Variants in RNF115 observed in about 807,000 individuals in gnomAD.
RNF115 encodes the protein E3 ubiquitin-protein ligase RNF115.
In RNF115, 31 loss-of-function variants were observed where a neutral mutation model predicts 39.2. The ratio of observed to expected loss-of-function variants is 0.79; its 90% CI spans 0.59 to 1.07. RNF115 has a LOEUF of 1.07. Among genes scored for constraint, RNF115 ranks in the 50% least tolerant of loss-of-function variants. The pLI is 0.00. For missense variants in RNF115, 384 were observed against 381.7 expected, an observed-to-expected ratio of 1.01 and a Z score of -0.05; for synonymous variants, 124 against 131.0, an observed-to-expected ratio of 0.95 and a Z score of 0.37.
chr1:145,752,945 A>G, intron 5 of RNF115, 33 bp downstream of exon 5: 2 of 1,433,368 alleles, frequency 1.4e-6, no homozygotes, highest in Non-Finnish European at 2.0e-6. Context: ...TGTCACTCCA[A>G]TAGAGTAAGA....
intron 4 of RNF115, among the ~76,000 whole-genome samples, chr1:145,770,067 A>G (rs1436665606): frequency 1.3e-5 from 2 of 152,218 alleles, no homozygotes; most frequent in East Asian, 3.8e-4. Flanking sequence ...GCTTGAATAA[A>G]AACACTAGAA....
chr1:145,823,508 GA>G (rs35166837), intron 1 of RNF115, among the ~76,000 whole-genome samples: 64,723 of 146,966 alleles, frequency 0.44, 12,877 homozygotes, highest in Middle Eastern at 0.61. Flanking sequence ...AACTTGCTAA[GA>G]AAAAAAAAAA....
At chr1:145,780,531 A>G (rs1157470624) in intron 3 of RNF115, among the ~76,000 whole-genome samples, 1 of 150,810 alleles carries the variant, frequency 6.6e-6, no homozygotes, top group Non-Finnish European at 1.5e-5. Context: ...GAGGCAGGAT[A>G]ATCGCTTGAA....
chr1:145,819,803 C>A (rs1650154656), intron 1 of RNF115, among the ~76,000 whole-genome samples: 2 of 152,078 alleles, frequency 1.3e-5, no homozygotes, highest in South Asian at 4.2e-4. Flanking sequence ...TTTGGGGGGC[C>A]AAGGCAGGCA....
intron 4 of RNF115, among the ~76,000 whole-genome samples, chr1:145,767,671 A>G (rs1553715191): frequency 2.6e-5 from 4 of 152,182 alleles, no homozygotes; most frequent in Non-Finnish European, 5.9e-5. Flanking sequence ...ACTGCACTCC[A>G]GCCTGGGCAC....
intron 7 of RNF115, 123 bp downstream of exon 7, chr1:145,750,284 T>C: frequency 1.3e-6 from 1 of 783,036 alleles, no homozygotes; most frequent in Middle Eastern, 3.3e-4. Flanking sequence ...GGTATTGGGA[T>C]TTTTTTTCTT....
chr1:145,784,430 T>C, intron 3 of RNF115, 109 bp downstream of exon 3: 1 of 980,268 alleles, frequency 1.0e-6, no homozygotes, highest in Non-Finnish European at 1.6e-6. Flanking sequence ...TTTTTTCTTA[T>C]ACATTCAGTT....
At chr1:145,757,024 C>T (rs587748429) in intron 4 of RNF115, among the ~76,000 whole-genome samples, 4 of 151,636 alleles carry the variant, frequency 2.6e-5, no homozygotes, top group Admixed American at 1.3e-4. Flanking sequence ...TTAGTAGACA[C>T]GGGGTTTTAC....
At chr1:145,775,729 A>T (rs1423728278) in intron 3 of RNF115, among the ~76,000 whole-genome samples, 1 of 152,148 alleles carries the variant, frequency 6.6e-6, no homozygotes, top group African/African-American at 2.4e-5. Flanking sequence ...GCAGTAGCTC[A>T]AGCCTATAAT....
intron 1 of RNF115, among the ~76,000 whole-genome samples, chr1:145,806,999 G>A (rs993828478): frequency 1.3e-5 from 2 of 152,180 alleles, no homozygotes; most frequent in Admixed American, 1.3e-4. Flanking sequence ...CCCAGCTTCA[G>A]TTATTCCTTT....
chr1:145,799,100 G>A (rs587634660), intron 1 of RNF115, among the ~76,000 whole-genome samples: 72 of 148,988 alleles, frequency 4.8e-4, no homozygotes, highest in African/African-American at 1.8e-3. Flanking sequence ...ATGGAGTGTC[G>A]CTCTGTCACC....
chr1:145,783,395 T>G (rs1030401960), intron 3 of RNF115, among the ~76,000 whole-genome samples: 2 of 152,008 alleles, frequency 1.3e-5, no homozygotes, highest in Admixed American at 6.6e-5. Context: ...CATCAAAATG[T>G]GGGGGCTACA....
chr1:145,747,718 A>C (rs148058221), intron 8 of RNF115, among the ~76,000 whole-genome samples: 1 of 152,092 alleles, frequency 6.6e-6, no homozygotes, highest in Non-Finnish European at 1.5e-5. Flanking sequence ...CAACTAATCA[A>C]CTCTGCTGAC....
chr1:145,823,952 TCGC>T lies in RNF115; in HGVS notation c.-82_-80del, dbSNP rs782442509. 1.4e-4 allele frequency: 144 copies of T among 1,054,460 alleles called. No individual in the cohort carries two copies. Among genetic ancestry groups the T allele is most frequent in the Middle Eastern group, 3.1e-4 (1 of 3,222 alleles). 65.3% of individuals were successfully genotyped at this position (1,054,460 alleles called of 1,614,324 possible). On this transcript the variant is annotated 5_prime_UTR_variant, in exon 1 of 9. Coordinates refer to ENST00000582693, the MANE Select transcript of RNF115 (RefSeq NM_014455.4). ...GCCGCTACCTCCCGAGCTGCAGTCG[TCGC>T]CGCCGCCGCCGCCTCGGTGCGGCCC...
intron 3 of RNF115, among the ~76,000 whole-genome samples, chr1:145,780,974 G>A (rs1293499547): frequency 6.6e-6 from 1 of 152,092 alleles, no homozygotes; most frequent in African/African-American, 2.4e-5. Context: ...TCACTTTCTA[G>A]ATTACCACCA....
intron 1 of RNF115, among the ~76,000 whole-genome samples, chr1:145,811,196 C>T (rs1432495398): frequency 4.6e-5 from 7 of 151,978 alleles, no homozygotes; most frequent in Non-Finnish European, 8.8e-5. Flanking sequence ...ACTAAATGTC[C>T]AGAAAAGCAA....
intron 4 of RNF115, among the ~76,000 whole-genome samples, chr1:145,755,817 G>T (rs782222669): frequency 3.9e-5 from 6 of 152,088 alleles, no homozygotes; most frequent in Admixed American, 6.6e-5. Context: ...TTAGAAACTG[G>T]AGGGAAAAGG....
chr1:145,811,172 T>C (rs1553722455), intron 1 of RNF115, among the ~76,000 whole-genome samples: 6 of 151,942 alleles, frequency 3.9e-5, no homozygotes, highest in Non-Finnish European at 1.5e-5. Flanking sequence ...GCCCAGTCCA[T>C]AATTTTAATA....
intron 7 of RNF115, among the ~76,000 whole-genome samples, chr1:145,748,534 T>C (rs996096263): frequency 1.3e-5 from 2 of 152,172 alleles, no homozygotes; most frequent in Non-Finnish European, 2.9e-5. Flanking sequence ...AGCAATCTTA[T>C]CAGTGCAGCG....
Sources: gnomAD v4.1 joint callset for allele counts (sites outside exome capture counted in the v4.1 genomes callset) on GRCh38, gnomAD v4.1.1 for gene constraint, MANE v1.5 for transcripts, NCBI Gene and HGNC (gene_info 2026-07-23, HGNC 2026-07-21) for gene names.